The following SPATA6 variants were observed in gnomAD, a reference collection of about 807,000 sequenced individuals.
The protein encoded by SPATA6 is spermatogenesis-associated protein 6.
A neutral mutation model predicts 65.3 loss-of-function variants in SPATA6; 56 were observed. The ratio of observed to expected loss-of-function variants is 0.86; its 90% CI spans 0.69 to 1.07. SPATA6 has a LOEUF of 1.07. Ranked by LOEUF, SPATA6 falls within the 50% of genes least tolerant of loss-of-function variation. SPATA6 has a pLI of 0.00. For missense variants in SPATA6, 590 were observed against 594.8 expected (o/e 0.99, Z 0.08); for synonymous variants, 199 against 213.2 (o/e 0.93, Z 0.58).
At chr1:48,323,393 G>A (rs1419969105) in intron 11 of SPATA6, among the ~76,000 whole-genome samples, 3 of 142,232 alleles carry the variant, frequency 2.1e-5, no homozygotes. Flanking sequence ...ACAGGGAGGG[G>A]AACATCACAC....
intron 11 of SPATA6, among the ~76,000 whole-genome samples, chr1:48,353,969 A>T (rs2148801939): frequency 6.6e-6 from 1 of 152,188 alleles, no homozygotes; most frequent in South Asian, 2.1e-4. Flanking sequence ...TGGAAAAAAA[A>T]TTGCAAAACA....
At chr1:48,303,944 T>A (rs1339903003) in intron 12 of SPATA6, among the ~76,000 whole-genome samples, 1 of 152,184 alleles carries the variant, frequency 6.6e-6, no homozygotes, top group East Asian at 1.9e-4. Context: ...AACTTCTTCA[T>A]GATGCCTGTG....
intron 11 of SPATA6, among the ~76,000 whole-genome samples, chr1:48,346,782 G>A (rs902570009): frequency 2.0e-5 from 3 of 151,922 alleles, no homozygotes; most frequent in Admixed American, 6.6e-5. Flanking sequence ...TCTCTACAAG[G>A]AGAACTACAA....
At chr1:48,436,892 A>T in intron 3 of SPATA6, 2 of 1,613,210 alleles carry the variant, frequency 1.2e-6, no homozygotes, top group East Asian at 4.5e-5. Flanking sequence ...TCAGGTGTAG[A>T]CTCTGGAATT....
chr1:48,398,041 T>C (rs1014532627), intron 7 of SPATA6, among the ~76,000 whole-genome samples: 2 of 151,692 alleles, frequency 1.3e-5, no homozygotes, highest in African/African-American at 4.8e-5. Flanking sequence ...TAGTATATCC[T>C]TTCTTTTCAA....
At chr1:48,312,632 CA>C (rs564716672) in intron 11 of SPATA6, among the ~76,000 whole-genome samples, 25 of 152,270 alleles carry the variant, frequency 1.6e-4, no homozygotes, top group African/African-American at 6.0e-4. Flanking sequence ...TTCTAAAAAT[CA>C]GAGCACCTCT....
chr1:48,285,931 C>T, the SPATA6 span, among the ~76,000 whole-genome samples: 1 of 152,142 alleles, frequency 6.6e-6, no homozygotes, highest in Non-Finnish European at 1.5e-5. Context: ...GGAGACTATC[C>T]TCTCCACATT....
chr1:48,337,978 A>G (rs958415075), intron 11 of SPATA6, among the ~76,000 whole-genome samples: 1 of 152,006 alleles, frequency 6.6e-6, no homozygotes, highest in East Asian at 1.9e-4. Flanking sequence ...TGACATACAG[A>G]TGGAAATTAA....
Position 48,453,957 on chromosome 1 carries a change from AAGAC to A in SPATA6, c.52-830_52-827del, listed in dbSNP as rs370171962. ...AAGCTGCAGTTTTAGGGGGAAAAAA[AAGAC>A]AGAAAGAAGTACCAAGAAACAGTCA... is the stretch of plus-strand genomic sequence containing the variant. On this transcript the variant is annotated intron_variant, in intron 1 of 12. Coordinates refer to ENST00000371847, the MANE Select transcript of SPATA6 (RefSeq NM_019073.4). 7.1e-3 allele frequency among the ~76,000 whole-genome samples: 1,088 copies of A among 152,236 alleles called. 15 individuals carry two copies. The highest frequency in any genetic ancestry group is 0.025 in the African/African-American group (1,040 of 41,538).
chr1:48,449,486 CAAGT>C (rs1316028049), intron 3 of SPATA6, among the ~76,000 whole-genome samples: 1 of 152,110 alleles, frequency 6.6e-6, no homozygotes, highest in African/African-American at 2.4e-5. Flanking sequence ...GTTTATAAAA[CAAGT>C]AATAAACAAT....
chr1:48,361,583 T>C (rs1176744099), intron 9 of SPATA6, among the ~76,000 whole-genome samples: 1 of 152,172 alleles, frequency 6.6e-6, no homozygotes, highest in African/African-American at 2.4e-5. Context: ...ACAAAGTCTC[T>C]GCCTTTAAGA....
In SPATA6 at chr1:48,399,457, CG is replaced by C. The variant is rs1650940127; in HGVS notation, c.673del (p.Arg225AlafsTer16). 6.2e-7 allele frequency: 1 copy of C among 1,613,112 alleles called. No individual in the cohort carries two copies. Among genetic ancestry groups the C allele is most frequent in the African/African-American group, 1.3e-5 (1 of 74,840 alleles). On this transcript the variant is annotated frameshift_variant, in exon 7 of 13. Coordinates refer to ENST00000371847, the MANE Select transcript of SPATA6 (RefSeq NM_019073.4). LOFTEE classifies it high-confidence loss of function. ...GGTGTCTTCAGATAGCTCACACATGCGTCTTTTTGTGTAGGGAGATGGAGAG... is the reference window on the plus strand; with the variant it reads ...GGTGTCTTCAGATAGCTCACACATGCTCTTTTTGTGTAGGGAGATGGAGAG... The part of the protein sequence containing the change: ...SHSPSPYTKR[R>X]MCELSEDTRR...
chr1:48,453,213 C>T, intron 1 of SPATA6, 82 bp from the exon 2 acceptor site: 1 of 1,385,822 alleles, frequency 7.2e-7, no homozygotes, highest in Non-Finnish European at 9.7e-7. Context: ...TCAAATATTA[C>T]ATAAAAACAT....
the SPATA6 span, among the ~76,000 whole-genome samples, chr1:48,280,131 C>G: frequency 1.3e-5 from 2 of 151,940 alleles, no homozygotes; most frequent in Non-Finnish European, 2.9e-5. Context: ...TCTTTGAAAC[C>G]AACGAGAACA....
At chr1:48,279,828 G>C in the SPATA6 span, among the ~76,000 whole-genome samples, 1 of 152,062 alleles carries the variant, frequency 6.6e-6, no homozygotes, top group Non-Finnish European at 1.5e-5. Flanking sequence ...TGCACCAAGT[G>C]GACCTAATAG....
chr1:48,413,003 AT>A lies in SPATA6; in HGVS notation c.280+106del, dbSNP rs1652394431. 9.5e-6 allele frequency: 3 copies of A among 316,120 alleles called. No individual in the cohort carries two copies. The Middle Eastern group carries it at 3.7e-3, about 386-fold the overall frequency. The allele number at this position is 316,120 out of a possible 1,614,324, so 19.6% of individuals were successfully genotyped here. A position where few individuals can be genotyped will look rare whatever the true frequency, so the allele number is the denominator to read the frequency against. On this transcript the variant is annotated intron_variant, in intron 4 of 12. Coordinates refer to ENST00000371847, the MANE Select transcript of SPATA6 (RefSeq NM_019073.4). ...TTACTTTATCAGTATATAATACACT[AT>A]ATTATATCCTTATCAAATAATATAG... is the stretch of plus-strand genomic sequence containing the variant.
At chr1:48,294,192 T>A (rs1174332182), downstream of SPATA6, among the ~76,000 whole-genome samples, 1 of 152,168 alleles carries the variant, frequency 6.6e-6, no homozygotes, top group Non-Finnish European at 1.5e-5. Context: ...TCTTCCTACC[T>A]CATACTCCCG....
intron 11 of SPATA6, among the ~76,000 whole-genome samples, chr1:48,342,066 T>G (rs1205204255): frequency 1.3e-5 from 2 of 152,198 alleles, no homozygotes; most frequent in Non-Finnish European, 2.9e-5. Context: ...AGAATACAAA[T>G]GCAAAAGCAG....
At chr1:48,355,823 A>G in intron 10 of SPATA6, 54 bp from the exon 11 acceptor site, 1 of 1,397,768 alleles carries the variant, frequency 7.2e-7, no homozygotes. Flanking sequence ...TAATGATTCT[A>G]AGCTATACTA....
Sources: gnomAD v4.1 joint callset for allele counts (sites outside exome capture counted in the v4.1 genomes callset) on GRCh38, gnomAD v4.1.1 for gene constraint, MANE v1.5 for transcripts, NCBI Gene and HGNC (gene_info 2026-07-23, HGNC 2026-07-21) for gene names.